Variants in CNOT3 observed in about 807,000 individuals in gnomAD.
The protein encoded by CNOT3 is CCR4-NOT transcription complex subunit 3.
A neutral mutation model predicts 89.4 loss-of-function variants in CNOT3; 2 were observed. The ratio of observed to expected loss-of-function variants is 0.02; its 90% confidence interval spans 0.01 to 0.07. The LOEUF (loss-of-function observed/expected upper bound fraction) is 0.07, where lower values mean the gene tolerates loss of function less well. Ranked by LOEUF, CNOT3 falls within the 10% of genes least tolerant of loss-of-function variation. The pLI, the probability that CNOT3 is intolerant of heterozygous loss-of-function variation, is 1.00. For synonymous variants in CNOT3, 486 were observed against 402.0 expected, an observed-to-expected ratio of 1.21 and a Z score of -2.50; for missense variants, 664 against 1,010.2, an observed-to-expected ratio of 0.66 and a Z score of 4.65.
chr19:54,154,444 C>G (rs1411679386), intron 17 of CNOT3: 1 of 212,372 alleles, frequency 4.7e-6, no homozygotes, highest in Non-Finnish European at 9.8e-6. Context: ...GGAAGACCAC[C>G]TACCTAATGC....
At chr19:54,151,053 A>ATGG (rs2075069514) in intron 13 of CNOT3, among the ~76,000 whole-genome samples, 3 of 152,106 alleles carry the variant, frequency 2.0e-5, no homozygotes, top group African/African-American at 7.2e-5. Context: ...GACCTCCCAA[A>ATGG]GTGCTGGGAT....
chr19:54,152,167 A>G (rs2075153155), intron 13 of CNOT3, 59 bp from the exon 14 acceptor site: 3 of 1,577,288 alleles, frequency 1.9e-6, no homozygotes, highest in Admixed American at 3.4e-5. Context: ...GGCCTGTGTC[A>G]GGCTGCACTT....
chr19:54,152,556 C>G lies in CNOT3; in HGVS notation c.1834C>G (p.Leu612Val). ...CCCTGTGCCCCTCACCAAGGAGCAG[C>G]TCTATCAGCAGGCCATGGAAGAGGC... is the stretch of plus-strand genomic sequence containing the variant. ...LGPVPLTKEQ[L>V]YQQAMEEAAW... Residue 612 changes from leucine (L) to valine (V), a missense_variant, in exon 15 of 18, where the codon CTC becomes GTC. By Grantham distance (32) the Leu-to-Val change is conservative. Around this residue, in one of 8 missense-constraint regions of CNOT3, gnomAD observed 545 missense variants for 566.2 expected, o/e 0.96. Coordinates refer to ENST00000221232, the MANE Select transcript of CNOT3 (RefSeq NM_014516.4). The G allele has an allele frequency of 6.2e-7, 1 of 1,614,152 alleles. No individual in the cohort carries two copies. Among genetic ancestry groups the G allele is most frequent in the Non-Finnish European group, 8.5e-7 (1 of 1,180,002 alleles).
chr19:54,152,378 C>T, intron 14 of CNOT3, 50 bp from the exon 15 acceptor site: 1 of 1,613,770 alleles, frequency 6.2e-7, no homozygotes, highest in Non-Finnish European at 8.5e-7. Flanking sequence ...AGGGGCTGCC[C>T]CTGACCCATC....
intron 13 of CNOT3, 70 bp downstream of exon 13, chr19:54,149,828 C>A: frequency 7.1e-7 from 1 of 1,415,114 alleles, no homozygotes; most frequent in Non-Finnish European, 9.5e-7. Context: ...AGGTCTCTAG[C>A]TGCACCCCTT....
chr19:54,153,016 G>A lies in CNOT3; in HGVS notation c.2037+17G>A, dbSNP rs775256833. On this transcript the variant is annotated intron_variant, in intron 16 of 17. Transcript: ENST00000221232. ...TATCTGGAGGTACAGCAGGGCCCCC[G>A]GGGCAGCCTCGGGCCCCCCGGCTTC... 52 of 1,597,010 alleles carry A rather than the reference G, an allele frequency of 3.3e-5. No homozygotes were observed. The highest frequency in any genetic ancestry group is 8.6e-5 in the Admixed American group (5 of 58,444).
chr19:54,140,211 C>T (rs370477327), intron 1 of CNOT3, among the ~76,000 whole-genome samples: 132 of 152,252 alleles, frequency 8.7e-4, no homozygotes, highest in African/African-American at 3.0e-3. Flanking sequence ...CTGATTTTAG[C>T]GTGTTGGCTC....
intron 1 of CNOT3, among the ~76,000 whole-genome samples, chr19:54,138,539 C>T (rs999833667): frequency 6.6e-6 from 1 of 152,008 alleles, no homozygotes; most frequent in African/African-American, 2.4e-5. Context: ...AGGACCCCAG[C>T]TGGGTGGGGG....
chr19:54,148,460 A>AGCGGAG lies in CNOT3; in HGVS notation c.1215_1220dup (p.Gly406_Gly407dup). ...GCCTAGCGGAGGCGGAGGCGGCGGC[A>AGCGGAG]GCGGAGGCGGAGGGAGCAGCAGCAG... On this transcript the variant is annotated inframe_insertion, in exon 11 of 18. Transcript: ENST00000221232. This position sits in a 1 kb window ranked among gnomAD's most constrained non-coding sequence, Gnocchi z 6.3. 3.2e-6 allele frequency: 5 copies of AGCGGAG among 1,563,964 alleles called. No homozygotes were observed. The highest frequency in any genetic ancestry group is 4.3e-6 in the Non-Finnish European group (5 of 1,152,364).
At position 54,148,580 on chromosome 19, in the gene CNOT3, C is replaced by G. The variant is rs777737001; in HGVS notation, c.1283-40C>G. ...GGTGGGGGGCGTGGGCGGGGCTGGG[C>G]AGCAGGCAGCAGCCCTTTCCATTTA... On this transcript the variant is annotated intron_variant, in intron 11 of 17. Transcript: ENST00000221232. The surrounding 1 kb of genome is among the most constrained non-coding windows in gnomAD (Gnocchi z 6.3). 7.0e-5 allele frequency: 111 copies of G among 1,594,892 alleles called. No individual in the cohort carries two copies. Among genetic ancestry groups the G allele is most frequent in the Non-Finnish European group, 9.2e-5 (107 of 1,169,242 alleles).
intron 2 of CNOT3, 31 bp from the exon 3 acceptor site, chr19:54,143,088 G>A (rs759559278): frequency 6.2e-7 from 1 of 1,613,544 alleles, no homozygotes; most frequent in East Asian, 2.2e-5. Context: ...ACCTGGGCAG[G>A]ATTCTCACAG....
At chr19:54,155,175 G>A (rs1190564112) in intron 17 of CNOT3, 134 bp from the exon 18 acceptor site, 1 of 928,190 alleles carries the variant, frequency 1.1e-6, no homozygotes, top group Admixed American at 2.3e-5. Flanking sequence ...GGATGAGAGT[G>A]TGTGCGTGCA....
Position 54,155,628 on chromosome 19 carries a change from TGGTAAACC to T in CNOT3, c.*222_*229del. On this transcript the variant is annotated 3_prime_UTR_variant, in exon 18 of 18. Coordinates refer to ENST00000221232, the MANE Select transcript of CNOT3 (RefSeq NM_014516.4). The stretch of plus-strand genomic sequence containing the variant: ...CCCCTCCCCAGTGAGGGACATTTTT[TGGTAAACC>T]TATTTTCATTTTGGAAAATATTTAT... 1 of 1,306,300 alleles carries T rather than the reference TGGTAAACC, an allele frequency of 7.7e-7. No individual in the cohort carries two copies. The highest frequency in any genetic ancestry group is 1.0e-6 in the Non-Finnish European group (1 of 953,212). The allele number at this position is 1,306,300 out of a possible 1,614,324, so 80.9% of individuals were successfully genotyped here. A position where few individuals can be genotyped will look rare whatever the true frequency, so the allele number is the denominator to read the frequency against.
At chr19:54,151,352 T>A (rs2075092770) in intron 13 of CNOT3, among the ~76,000 whole-genome samples, 1 of 151,868 alleles carries the variant, frequency 6.6e-6, no homozygotes, top group South Asian at 2.1e-4. Context: ...AGGACAGGCC[T>A]GGGCTGTGTG....
intron 13 of CNOT3, among the ~76,000 whole-genome samples, chr19:54,151,494 A>AGGAGTTTGAGACCT (rs2075104565): frequency 6.6e-6 from 1 of 152,170 alleles, no homozygotes; most frequent in Non-Finnish European, 1.5e-5. Context: ...GCTTGAGCCC[A>AGGAGTTTGAGACCT]GGAGTTTGAG....
At chr19:54,150,557 G>T (rs1478089460) in intron 13 of CNOT3, among the ~76,000 whole-genome samples, 2 of 91,036 alleles carry the variant, frequency 2.2e-5, no homozygotes, top group African/African-American at 3.3e-5. Flanking sequence ...TCCATGGGGG[G>T]ACCAGTGTGT....
chr19:54,153,908 C>G (rs1305346920), intron 17 of CNOT3, 68 bp downstream of exon 17: 2 of 1,603,420 alleles, frequency 1.2e-6, no homozygotes, highest in Non-Finnish European at 8.5e-7. Flanking sequence ...CCAGGCAGCC[C>G]CTGCTGGCCT....
At position 54,148,772 on chromosome 19, in the gene CNOT3, G is replaced by C; in HGVS notation, c.1406+29G>C. 1 of 1,601,888 alleles carries C rather than the reference G, an allele frequency of 6.2e-7. No homozygotes were observed. The highest frequency in any genetic ancestry group is 1.3e-5 in the African/African-American group (1 of 74,776). On this transcript the variant is annotated intron_variant, in intron 12 of 17. Coordinates refer to ENST00000221232, the MANE Select transcript of CNOT3 (RefSeq NM_014516.4). This position sits in a 1 kb window ranked among gnomAD's most constrained non-coding sequence, Gnocchi z 6.3. ...AGTGTCTCGGCCATCGGCAGGGTTG[G>C]GATGGCAGCCTTTTGAAACAGAGAG...
Position 54,148,403 on chromosome 19 carries a change from A to C in CNOT3, c.1150A>C (p.Ser384Arg). 6.4e-7 allele frequency: 1 copy of C among 1,564,304 alleles called. No individual in the cohort carries two copies. Among genetic ancestry groups the C allele is most frequent in the Non-Finnish European group, 8.7e-7 (1 of 1,153,758 alleles). ...GGCCCCACCAGCTCCCAGTGGGCCCAGCACGACCCAGCCCCGGCCCCCCAG... is the reference window on the plus strand; with the variant it reads ...GGCCCCACCAGCTCCCAGTGGGCCCCGCACGACCCAGCCCCGGCCCCCCAG... ...AVAPPAPSGPSTTQPRPPSVQ... is the reference protein window; with the variant it reads ...AVAPPAPSGPRTTQPRPPSVQ... Residue 384 changes from serine to arginine, a missense_variant, in exon 11 of 18, where the codon AGC becomes CGC. Ser to Arg is a moderately radical substitution (Grantham distance 110). Around this residue, in one of 8 missense-constraint regions of CNOT3, gnomAD observed 545 missense variants for 566.2 expected, o/e 0.96. Coordinates refer to ENST00000221232, the MANE Select transcript of CNOT3 (RefSeq NM_014516.4). The surrounding 1 kb of genome is among the most constrained non-coding windows in gnomAD (Gnocchi z 6.3).
Sources: allele counts gnomAD v4.1 joint callset (sites outside exome capture counted in the v4.1 genomes callset), GRCh38; gene constraint gnomAD v4.1.1; regional missense constraint gnomAD v4.1.1; non-coding constraint Gnocchi (gnomAD v3.1); transcripts MANE v1.5; gene names NCBI Gene and HGNC (gene_info 2026-07-23, HGNC 2026-07-21).